The following DCC variants were observed in gnomAD, a reference collection of about 807,000 sequenced individuals.
The protein encoded by DCC is netrin receptor DCC.
A neutral mutation model predicts 172.5 loss-of-function variants in DCC; 58 were observed. The observed-to-expected ratio is 0.34, with a 90% confidence interval of 0.27 to 0.42. The LOEUF is 0.42. Ranked by LOEUF, DCC falls within the 10% of genes least tolerant of loss-of-function variation. DCC has a pLI of 1.00. For missense variants in DCC, 1,740 were observed against 1,791.0 expected (o/e 0.97, Z 0.51); for synonymous variants, 709 against 644.5 (o/e 1.10, Z -1.52).
intron 6 of DCC, 99 bp from the exon 7 acceptor site, chr18:53,065,947 C>T: frequency 7.0e-7 from 1 of 1,428,612 alleles, no homozygotes; most frequent in Non-Finnish European, 9.8e-7. Context: ...CTTGTTTCTT[C>T]TGTGCTGTTT....
Position 53,316,224 on chromosome 18 carries a change from T to C in DCC, c.2054-5823T>C, listed in dbSNP as rs889754737. 2.6e-5 allele frequency among the ~76,000 whole-genome samples: 4 copies of C among 152,192 alleles called. 1 individual carries two copies. Among genetic ancestry groups the C allele is most frequent in the Non-Finnish European group, 5.9e-5 (4 of 68,034 alleles). On this transcript the variant is annotated intron_variant, in intron 13 of 28. Coordinates refer to ENST00000442544, the MANE Select transcript of DCC (RefSeq NM_005215.4). ...ATTAAATAGGGAATCCTTTCCCCAT[T>C]GCTTGTTTTTCTCTAGTTTGTCAAA...
intron 7 of DCC, among the ~76,000 whole-genome samples, chr18:53,144,612 A>G (rs1358554397): frequency 2.6e-5 from 4 of 152,194 alleles, no homozygotes; most frequent in African/African-American, 9.7e-5. Context: ...GACACATGGG[A>G]ATTGTGGGAG....
At chr18:53,066,302 C>G (rs551953871) in intron 7 of DCC, 136 bp downstream of exon 7, 37 of 710,906 alleles carry the variant, frequency 5.2e-5, no homozygotes, top group South Asian at 4.8e-4. Flanking sequence ...AAGGTGTATA[C>G]TTGTGTATTG....
intron 3 of DCC, among the ~76,000 whole-genome samples, chr18:52,907,189 TTATA>T (rs74178691): frequency 2.0e-5 from 3 of 148,550 alleles, no homozygotes; most frequent in East Asian, 2.0e-4. Context: ...ATGATATGTA[TTATA>T]TATATACCCT....
At chr18:53,123,660 T>C (rs2043514988) in intron 7 of DCC, among the ~76,000 whole-genome samples, 1 of 152,104 alleles carries the variant, frequency 6.6e-6, no homozygotes, top group Admixed American at 6.6e-5. Context: ...TTTCTGCCAA[T>C]TAGGTCATAG....
At position 53,520,088 on chromosome 18, in the gene DCC, C is replaced by T. The variant is rs1234693349; in HGVS notation, c.4112-6529C>T. On this transcript the variant is annotated intron_variant, in intron 27 of 28. Coordinates refer to ENST00000442544, the MANE Select transcript of DCC (RefSeq NM_005215.4). Reference sequence around the variant, plus strand: ...TAAACAAAGTGGGCTTTAAACCTGGCTTCTGAAAGCAGTGTAGAAAAAAAC... The same window carrying T: ...TAAACAAAGTGGGCTTTAAACCTGGTTTCTGAAAGCAGTGTAGAAAAAAAC... Among the ~76,000 whole-genome samples, 3 of 152,052 alleles carry T rather than the reference C, an allele frequency of 2.0e-5. No individual in the cohort carries two copies. In the East Asian group the frequency reaches 5.8e-4, roughly 29 times the overall value.
chr18:53,006,339 A>G (rs1372536621), intron 5 of DCC, among the ~76,000 whole-genome samples: 3 of 152,200 alleles, frequency 2.0e-5, no homozygotes, highest in African/African-American at 4.8e-5. Flanking sequence ...AAGCATGGCA[A>G]TGCTCATCTC....
intron 1 of DCC, among the ~76,000 whole-genome samples, chr18:52,373,270 C>T (rs1219502347): frequency 6.6e-6 from 1 of 152,060 alleles, no homozygotes; most frequent in Non-Finnish European, 1.5e-5. Context: ...TTAATCTAAT[C>T]TACCTTCTAA....
At chr18:52,540,596 C>G (rs1450774262) in intron 1 of DCC, among the ~76,000 whole-genome samples, 21 of 53,648 alleles carry the variant, frequency 3.9e-4, no homozygotes, top group Non-Finnish European at 7.4e-4. Context: ...TATTCAACTG[C>G]CTTTTTTTTT....
intron 1 of DCC, among the ~76,000 whole-genome samples, chr18:52,617,382 T>C (rs964825613): frequency 6.6e-6 from 1 of 152,110 alleles, no homozygotes; most frequent in East Asian, 1.9e-4. Flanking sequence ...GAATATTGAA[T>C]GCTTAATGTT....
In DCC at chr18:53,264,617, G is replaced by A. The variant is rs113195905; in HGVS notation, c.1912-40961G>A. Among the ~76,000 whole-genome samples, 192 of 152,174 alleles carry A rather than the reference G, an allele frequency of 1.3e-3. 1 individual carries two copies. The highest frequency in any genetic ancestry group is 4.1e-3 in the African/African-American group (170 of 41,522). On this transcript the variant is annotated intron_variant, in intron 12 of 28. Coordinates refer to ENST00000442544, the MANE Select transcript of DCC (RefSeq NM_005215.4). The stretch of plus-strand genomic sequence containing the variant: ...CACAAGGTCAGAGATGGAGTCAGTG[G>A]CCCCTCTGGTTCCTTTCTAAATTTG...
intron 1 of DCC, among the ~76,000 whole-genome samples, chr18:52,734,740 T>C (rs1240757985): frequency 2.0e-5 from 3 of 152,148 alleles, no homozygotes; most frequent in Non-Finnish European, 2.9e-5. Context: ...GATGGAAAGA[T>C]ATTCTCCTTC....
intron 5 of DCC, among the ~76,000 whole-genome samples, chr18:52,987,749 A>G (rs1369833750): frequency 6.6e-6 from 1 of 152,174 alleles, no homozygotes; most frequent in African/African-American, 2.4e-5. Context: ...AGCAATGGTC[A>G]TTGACTTTTT....
intron 7 of DCC, among the ~76,000 whole-genome samples, chr18:53,134,334 G>T (rs548748072): frequency 6.6e-6 from 1 of 152,206 alleles, no homozygotes; most frequent in East Asian, 1.9e-4. Context: ...TGCATGACAA[G>T]TCTGAATAAT....
chr18:53,338,072 C>T (rs1422767756), intron 14 of DCC, among the ~76,000 whole-genome samples: 1 of 152,210 alleles, frequency 6.6e-6, no homozygotes, highest in African/African-American at 2.4e-5. Context: ...CACATTCTTT[C>T]TTACATATCT....
intron 7 of DCC, among the ~76,000 whole-genome samples, chr18:53,115,979 T>C (rs1024367233): frequency 1.3e-5 from 2 of 150,216 alleles, no homozygotes; most frequent in African/African-American, 4.9e-5. Context: ...TTGAGGGGGG[T>C]GCTGTGGGGA....
intron 9 of DCC, among the ~76,000 whole-genome samples, chr18:53,197,010 A>C (rs16956352): frequency 0.025 from 3,832 of 152,206 alleles, 74 homozygotes; most frequent in East Asian, 0.11. Context: ...CCCCATACAG[A>C]ATAGAAACAG....
chr18:53,488,390 AAAG>A (rs1458960867), intron 26 of DCC, among the ~76,000 whole-genome samples: 1 of 152,222 alleles, frequency 6.6e-6, no homozygotes, highest in Non-Finnish European at 1.5e-5. Flanking sequence ...AATTAAAAAA[AAAG>A]AATGTGTAGA....
At chr18:52,672,440 G>A (rs904765124) in intron 1 of DCC, among the ~76,000 whole-genome samples, 10 of 151,604 alleles carry the variant, frequency 6.6e-5, no homozygotes, top group African/African-American at 2.4e-4. Flanking sequence ...AATGGGTAGA[G>A]AGAGAGAGAG....
Sources: allele counts gnomAD v4.1 joint callset (sites outside exome capture counted in the v4.1 genomes callset), GRCh38; gene constraint gnomAD v4.1.1; transcripts MANE v1.5; gene names NCBI Gene and HGNC (gene_info 2026-07-23, HGNC 2026-07-21).